The following KIAA1217 variants were observed in gnomAD, a reference collection of about 807,000 sequenced individuals.
KIAA1217 encodes the protein sickle tail protein homolog.
Under a neutral mutation model 163.9 loss-of-function variants are expected in KIAA1217, and 88 were observed. That is an observed-to-expected ratio of 0.54 (90% CI 0.45 to 0.64). KIAA1217 has a LOEUF of 0.64. Among genes scored for constraint, KIAA1217 ranks in the 30% least tolerant of loss-of-function variants. The pLI is 0.00. For synonymous variants in KIAA1217, 903 were observed against 923.1 expected, an observed-to-expected ratio of 0.98 and a Z score of 0.39; for missense variants, 2,372 against 2,475.0, an observed-to-expected ratio of 0.96 and a Z score of 0.88.
chr10:24,532,428 C>T (rs1371001033), intron 15 of KIAA1217, among the ~76,000 whole-genome samples: 1 of 152,088 alleles, frequency 6.6e-6, no homozygotes, highest in Admixed American at 6.5e-5. Context: ...ACACAATTTC[C>T]AAAGAGATGC....
At chr10:24,115,850 A>G (rs1054334103) in intron 2 of KIAA1217, among the ~76,000 whole-genome samples, 2 of 152,362 alleles carry the variant, frequency 1.3e-5, no homozygotes, top group South Asian at 2.1e-4. Flanking sequence ...GGAACAAATC[A>G]GAGTACAGTC....
intron 10 of KIAA1217, 84 bp downstream of exon 10, chr10:24,513,518 G>A: frequency 7.3e-7 from 1 of 1,374,482 alleles, no homozygotes; most frequent in African/African-American, 1.4e-5. Context: ...TTCCCAGTTG[G>A]TGGTCTTGCC....
At chr10:24,186,007 C>T (rs930751240) in intron 2 of KIAA1217, among the ~76,000 whole-genome samples, 1 of 151,828 alleles carries the variant, frequency 6.6e-6, no homozygotes, top group Non-Finnish European at 1.5e-5. Context: ...GGAAAATCAA[C>T]ATATTTACTC....
chr10:23,920,149 G>A (rs1310122628), intron 1 of KIAA1217, among the ~76,000 whole-genome samples: 1 of 152,056 alleles, frequency 6.6e-6, no homozygotes, highest in Non-Finnish European at 1.5e-5. Flanking sequence ...GTGACATTTA[G>A]GTTTTTTTGT....
chr10:24,460,410 C>A (rs535349869), intron 5 of KIAA1217, among the ~76,000 whole-genome samples: 1 of 152,280 alleles, frequency 6.6e-6, no homozygotes, highest in Admixed American at 6.5e-5. Context: ...GCAGGCGGCT[C>A]TTCTGAACCC....
intron 2 of KIAA1217, among the ~76,000 whole-genome samples, chr10:24,135,238 G>T (rs1388259110): frequency 6.6e-6 from 1 of 152,216 alleles, no homozygotes; most frequent in Admixed American, 6.5e-5. Flanking sequence ...CACCAGTGAT[G>T]GTCCCCGTCT....
intron 2 of KIAA1217, among the ~76,000 whole-genome samples, chr10:24,287,904 T>C (rs895932006): frequency 6.6e-6 from 1 of 152,170 alleles, no homozygotes; most frequent in Non-Finnish European, 1.5e-5. Flanking sequence ...ATGAGGGTAT[T>C]TTGTTTTTCT....
At chr10:24,270,163 A>G (rs1008171036) in intron 2 of KIAA1217, among the ~76,000 whole-genome samples, 3 of 152,240 alleles carry the variant, frequency 2.0e-5, no homozygotes, top group Non-Finnish European at 4.4e-5. Context: ...AAAACAGAAT[A>G]ATTGATTTTT....
rs776837076 is a variant in KIAA1217, at chr10:24,536,831, C to T, written c.3472C>T (p.Arg1158Trp). ...TTCAAACAGTCATGCTGAGCCATCCCGGGCTGACAGTCACGTTAAAGACAC... is the reference window on the plus strand; with the variant it reads ...TTCAAACAGTCATGCTGAGCCATCCTGGGCTGACAGTCACGTTAAAGACAC... ...VNSNSHAEPS[R>W]ADSHVKDTRS... The change falls in exon 17 of 21, where the codon CGG becomes TGG. Residue 1158 changes from arginine to tryptophan, a missense_variant. By Grantham distance (101) the Arg-to-Trp change is moderately radical. This residue lies in a region of KIAA1217 where 251 missense variants were observed against 327.3 expected (regional missense o/e 0.77). Coordinates refer to ENST00000376454, the MANE Select transcript of KIAA1217 (RefSeq NM_019590.5). 1.2e-5 allele frequency: 20 copies of T among 1,613,990 alleles called. No individual in the cohort carries two copies. The highest frequency in any genetic ancestry group is 2.2e-5 in the South Asian group (2 of 91,072).
intron 1 of KIAA1217, among the ~76,000 whole-genome samples, chr10:23,924,955 TA>T (rs34623112): frequency 9.9e-5 from 15 of 151,298 alleles, no homozygotes; most frequent in Admixed American, 8.6e-4. Flanking sequence ...AGAGAAAACT[TA>T]AAAAAAAATC....
At chr10:24,454,089 G>A (rs887355970) in intron 5 of KIAA1217, among the ~76,000 whole-genome samples, 6 of 151,620 alleles carry the variant, frequency 4.0e-5, no homozygotes, top group African/African-American at 9.7e-5. Flanking sequence ...AAAGAAAAAC[G>A]AAAAAAAACC....
At chr10:24,263,774 T>A (rs1476332876) in intron 2 of KIAA1217, among the ~76,000 whole-genome samples, 1 of 152,230 alleles carries the variant, frequency 6.6e-6, no homozygotes. Flanking sequence ...ATGAAAATAA[T>A]TTTTGTGTCC....
rs185040924 is a variant in KIAA1217 at position 24,016,398 on chromosome 10, A to G, written c.-171+9024A>G. On this transcript the variant is annotated intron_variant, in intron 2 of 18. Transcript: ENST00000376462. ...ATCAACCAGCGATTGGGCAGAGATT[A>G]TATTCAAACACCTTTTATACAAAGT... 2.5e-3 allele frequency among the ~76,000 whole-genome samples: 383 copies of G among 152,234 alleles called. 1 individual carries two copies. The highest frequency in any genetic ancestry group is 9.0e-3 in the African/African-American group (376 of 41,572).
chr10:23,912,303 C>A (rs969052106), intron 1 of KIAA1217, among the ~76,000 whole-genome samples: 1 of 151,946 alleles, frequency 6.6e-6, no homozygotes, highest in Non-Finnish European at 1.5e-5. Context: ...AGTTGGGAGG[C>A]TCAAAGGTAA....
At chr10:23,930,698 G>A (rs772980557) in intron 1 of KIAA1217, among the ~76,000 whole-genome samples, 3 of 152,166 alleles carry the variant, frequency 2.0e-5, no homozygotes, top group Non-Finnish European at 4.4e-5. Flanking sequence ...CAGTGTATCT[G>A]TGATTCATCA....
chr10:23,723,723 C>T (rs971755627), intron 1 of KIAA1217, among the ~76,000 whole-genome samples: 7 of 152,050 alleles, frequency 4.6e-5, no homozygotes, highest in African/African-American at 1.7e-4. Context: ...TAAAGAGATC[C>T]TTGCTAAGAA....
intron 1 of KIAA1217, among the ~76,000 whole-genome samples, chr10:23,960,892 A>G (rs912589574): frequency 1.3e-5 from 2 of 152,256 alleles, no homozygotes; most frequent in Non-Finnish European, 2.9e-5. Flanking sequence ...AGTTTAAAAC[A>G]TAAATACTTA....
chr10:24,083,112 G>C (rs1166542559), intron 2 of KIAA1217, among the ~76,000 whole-genome samples: 1 of 152,074 alleles, frequency 6.6e-6, no homozygotes, highest in Non-Finnish European at 1.5e-5. Context: ...TTGGCATCTT[G>C]GCTGCCGTTT....
At chr10:23,724,672 T>A (rs1158994329) in intron 1 of KIAA1217, among the ~76,000 whole-genome samples, 1 of 152,230 alleles carries the variant, frequency 6.6e-6, no homozygotes, top group East Asian at 1.9e-4. Context: ...ATTAATTCTA[T>A]AATTTGGGTG....
Sources: allele counts gnomAD v4.1 joint callset (sites outside exome capture counted in the v4.1 genomes callset), GRCh38; gene constraint gnomAD v4.1.1; regional missense constraint gnomAD v4.1.1; transcripts MANE v1.5; gene names NCBI Gene and HGNC (gene_info 2026-07-23, HGNC 2026-07-21).